RPH3A: variants seen among roughly 807,000 people sequenced by gnomAD.
RPH3A encodes rabphilin 3A.
RPH3A carries 48 observed loss-of-function variants against 102.2 expected under a neutral mutation model. The observed-to-expected ratio is 0.47, with a 90% CI of 0.37 to 0.60. The LOEUF (loss-of-function observed/expected upper bound fraction) is 0.60. Ranked by LOEUF, RPH3A falls within the 20% of genes least tolerant of loss-of-function variation. RPH3A has a pLI of 0.00. For synonymous variants in RPH3A, 310 were observed against 324.3 expected, an observed-to-expected ratio of 0.96 and a Z score of 0.47; for missense variants, 781 against 910.1, an observed-to-expected ratio of 0.86 and a Z score of 1.83.
intron 4 of RPH3A, among the ~76,000 whole-genome samples, chr12:112,847,028 G>A (rs1297542858): frequency 1.3e-5 from 2 of 152,202 alleles, no homozygotes; most frequent in African/African-American, 4.8e-5. Context: ...TAGGGGTGAT[G>A]TGAGGATTGA....
chr12:112,897,527 TTC>T lies in RPH3A; in HGVS notation c.*753_*754del, dbSNP rs1412979148. On this transcript the variant is annotated 3_prime_UTR_variant, in exon 22 of 22. Coordinates refer to ENST00000389385, the MANE Select transcript of RPH3A (RefSeq NM_001143854.2). Reference sequence around the variant, plus strand: ...CTTCTTTCCCTTCCATGATAGTAGATTCTCTCTTTCTCAGCCTCTCCCCTCTC... The same window carrying T: ...CTTCTTTCCCTTCCATGATAGTAGATTCTCTTTCTCAGCCTCTCCCCTCTC... The T allele has an allele frequency of 1.3e-5, 2 of 152,346 alleles. No homozygotes were observed. The highest frequency in any genetic ancestry group is 1.3e-4 in the Admixed American group (2 of 15,274). 9.4% of individuals were successfully genotyped at this position (152,346 alleles called of 1,614,324 possible). A position where few individuals can be genotyped will look rare whatever the true frequency, so the allele number is the denominator to read the frequency against.
At chr12:112,665,759 T>TA (rs2040079432) in intron 1 of RPH3A, among the ~76,000 whole-genome samples, 2 of 152,248 alleles carry the variant, frequency 1.3e-5, no homozygotes, top group African/African-American at 2.4e-5. Flanking sequence ...AGTTTTGGTC[T>TA]ATCTCCTTCA....
At chr12:112,635,711 G>A (rs79370958) in intron 1 of RPH3A, among the ~76,000 whole-genome samples, 2 of 152,148 alleles carry the variant, frequency 1.3e-5, no homozygotes, top group Non-Finnish European at 2.9e-5. Flanking sequence ...GGGGAGGGAG[G>A]GGAGTAAATG....
intron 1 of RPH3A, among the ~76,000 whole-genome samples, chr12:112,774,442 G>T (rs919432293): frequency 6.6e-6 from 1 of 152,192 alleles, no homozygotes; most frequent in Non-Finnish European, 1.5e-5. Context: ...TAGATTGAGA[G>T]TCTGGAGAAC....
intron 1 of RPH3A, among the ~76,000 whole-genome samples, chr12:112,594,305 G>A (rs754929058): frequency 1.3e-5 from 2 of 151,868 alleles, no homozygotes; most frequent in African/African-American, 2.4e-5. Context: ...CTCTTATTCC[G>A]TCTATATTCC....
chr12:112,809,399 G>A (rs1002927118), intron 2 of RPH3A, among the ~76,000 whole-genome samples: 1 of 152,074 alleles, frequency 6.6e-6, no homozygotes, highest in Non-Finnish European at 1.5e-5. Context: ...AACATTGCAG[G>A]CTCCTCTGTG....
intron 1 of RPH3A, among the ~76,000 whole-genome samples, chr12:112,662,815 T>C (rs1247766171): frequency 6.6e-6 from 1 of 150,922 alleles, no homozygotes; most frequent in East Asian, 1.9e-4. Context: ...TGGGTCATAG[T>C]TGGCCAACTC....
intron 6 of RPH3A, among the ~76,000 whole-genome samples, chr12:112,866,155 T>C (rs769258806): frequency 3.9e-5 from 6 of 152,198 alleles, no homozygotes; most frequent in Non-Finnish European, 8.8e-5. Flanking sequence ...ACATCTACAA[T>C]GTCATCATCT....
intron 17 of RPH3A, among the ~76,000 whole-genome samples, chr12:112,889,486 T>A (rs980910982): frequency 3.9e-5 from 6 of 152,230 alleles, no homozygotes; most frequent in African/African-American, 1.2e-4. Flanking sequence ...CTTCCCCCAT[T>A]ATGTCCCACT....
In RPH3A at chr12:112,744,474, C is replaced by A. The variant is rs541166120; in HGVS notation, c.-139-47669C>A. On this transcript the variant is annotated intron_variant, in intron 1 of 21. Transcript: ENST00000543106. ...AAATCCTGCTTCTTTTCATGGGCAG[C>A]ATTTATCTGGAGACCCATGTTTCGG... Among the ~76,000 whole-genome samples, 32 of 152,282 alleles carry A rather than the reference C, an allele frequency of 2.1e-4. 1 individual carries two copies. The East Asian group carries it at 5.8e-3, about 28-fold the overall frequency.
chr12:112,704,099 T>C (rs927060222), intron 1 of RPH3A, among the ~76,000 whole-genome samples: 8 of 151,942 alleles, frequency 5.3e-5, no homozygotes, highest in Non-Finnish European at 7.4e-5. Flanking sequence ...CTTCTTTTTT[T>C]TTTTTTTGAG....
chr12:112,621,338 C>T (rs1328635223), intron 1 of RPH3A, among the ~76,000 whole-genome samples: 4 of 149,634 alleles, frequency 2.7e-5, no homozygotes, highest in African/African-American at 7.4e-5. Context: ...TGGGCGCAGG[C>T]CAGTGGGTGC....
chr12:112,891,056 T>C, intron 19 of RPH3A, 53 bp downstream of exon 19: 1 of 1,596,230 alleles, frequency 6.3e-7, no homozygotes, highest in Non-Finnish European at 8.6e-7. Context: ...CCTGGAGCCT[T>C]GGAAAAGGAG....
intron 1 of RPH3A, among the ~76,000 whole-genome samples, chr12:112,600,691 C>T (rs1016772423): frequency 6.6e-6 from 1 of 152,096 alleles, no homozygotes; most frequent in South Asian, 2.1e-4. Flanking sequence ...TTTTTTGAAC[C>T]CTCTGAACTG....
intron 5 of RPH3A, among the ~76,000 whole-genome samples, chr12:112,848,072 A>G (rs1030038500): frequency 1.3e-5 from 2 of 151,908 alleles, no homozygotes; most frequent in African/African-American, 2.4e-5. Context: ...TAGAGGAGAG[A>G]TTGGGCTGCG....
chr12:112,680,784 T>C (rs2136016139), intron 1 of RPH3A, among the ~76,000 whole-genome samples: 1 of 152,262 alleles, frequency 6.6e-6, no homozygotes. Context: ...TCCCACAACA[T>C]TCATCTCTTT....
rs553204646 is a variant in RPH3A, at chr12:112,583,418, G to C, written c.-140+8099G>C. On this transcript the variant is annotated intron_variant, in intron 1 of 21. Transcript: ENST00000543106. ...TTGCACCAAGTTTCTCTTTATCCAA[G>C]AGTTTGACCTCTGAAGCACTGTATT... 2.0e-5 allele frequency among the ~76,000 whole-genome samples: 3 copies of C among 152,168 alleles called. No individual in the cohort carries two copies. In the East Asian group the frequency reaches 5.8e-4, roughly 29 times the overall value.
At chr12:112,772,318 A>G (rs149497378) in intron 1 of RPH3A, among the ~76,000 whole-genome samples, 272 of 152,278 alleles carry the variant, frequency 1.8e-3, no homozygotes, top group Non-Finnish European at 2.8e-3. Flanking sequence ...CACTATTTAC[A>G]TTTAGGGCAG....
At chr12:112,778,975 TG>T (rs1273768574) in intron 1 of RPH3A, among the ~76,000 whole-genome samples, 1 of 151,954 alleles carries the variant, frequency 6.6e-6, no homozygotes, top group African/African-American at 2.4e-5. Context: ...GGACTGACTG[TG>T]GGGAAGAGGT....
Sources: allele counts gnomAD v4.1 joint callset (sites outside exome capture counted in the v4.1 genomes callset), GRCh38; gene constraint gnomAD v4.1.1; transcripts MANE v1.5; gene names NCBI Gene and HGNC (gene_info 2026-07-23, HGNC 2026-07-21).